Variants in NCOA2 observed in about 807,000 individuals in gnomAD.
The protein encoded by NCOA2 is class E basic helix-loop-helix protein 75.
In NCOA2, 21 loss-of-function variants were observed where a neutral mutation model predicts 145.1. The observed-to-expected ratio is 0.14, with a 90% confidence interval of 0.10 to 0.21. The LOEUF is 0.21. NCOA2 is among the 10% of genes least tolerant of loss of function. The pLI is 1.00. For synonymous variants in NCOA2, 619 were observed against 637.5 expected (o/e 0.97, Z 0.44); for missense variants, 1,472 against 1,837.6 (o/e 0.80, Z 3.64).
intron 2 of NCOA2, among the ~76,000 whole-genome samples, chr8:70,247,264 A>G (rs1215431426): frequency 6.6e-6 from 1 of 152,232 alleles, no homozygotes; most frequent in Non-Finnish European, 1.5e-5. Context: ...AAATTCAATT[A>G]GGAAATAAAG....
chr8:70,250,402 A>G (rs1461284834), intron 2 of NCOA2, among the ~76,000 whole-genome samples: 2 of 136,906 alleles, frequency 1.5e-5, no homozygotes, highest in South Asian at 4.3e-4. Flanking sequence ...CAAAAAAAAA[A>G]AAAAAAAAAA....
chr8:70,427,727 G>T, the NCOA2 span, among the ~76,000 whole-genome samples: 1 of 152,160 alleles, frequency 6.6e-6, no homozygotes, highest in African/African-American at 2.4e-5. Context: ...TATTTATGCT[G>T]AAAGTTGGCC....
intron 1 of NCOA2, among the ~76,000 whole-genome samples, chr8:70,346,242 T>C (rs982596671): frequency 1.3e-5 from 2 of 152,248 alleles, no homozygotes; most frequent in African/African-American, 4.8e-5. Context: ...AGTGCTCTTC[T>C]AGCCCTCGTC....
chr8:70,156,425 G>C lies in NCOA2; in HGVS notation c.1940C>G (p.Thr647Ser). Residue 647 changes from threonine to serine, a missense_variant, in exon 11 of 23, where the codon ACC (threonine) becomes AGC (serine). Coordinates refer to ENST00000452400, the MANE Select transcript of NCOA2 (RefSeq NM_006540.4). The part of the protein sequence containing the change: ...GQTKLLQLLT[T>S]KSDQMEPSPL... ...CGAGGGCTCCATCTGATCAGATTTG[G>C]TGGTCAGCAGCTGCAGGAGTTTGGT... The C allele has an allele frequency of 1.2e-6, 2 of 1,613,966 alleles. No individual in the cohort carries two copies. Among genetic ancestry groups the C allele is most frequent in the Non-Finnish European group, 1.7e-6 (2 of 1,179,880 alleles).
the NCOA2 span, among the ~76,000 whole-genome samples, chr8:70,451,777 A>T: frequency 2.0e-5 from 3 of 152,188 alleles, no homozygotes; most frequent in Non-Finnish European, 2.9e-5. Context: ...GTTTTGCTTG[A>T]AACTGTCTCA....
intron 6 of NCOA2, among the ~76,000 whole-genome samples, chr8:70,169,736 T>C (rs1814014401): frequency 6.6e-6 from 1 of 152,108 alleles, no homozygotes; most frequent in Non-Finnish European, 1.5e-5. Context: ...CATAAATATA[T>C]ACACCTACTA....
In NCOA2 at chr8:70,111,352, G is replaced by A. The variant is rs1405222369; in HGVS notation, c.*2280C>T. 1 of 224,560 alleles carries A rather than the reference G, an allele frequency of 4.5e-6. No individual in the cohort carries two copies. The highest frequency in any genetic ancestry group is 8.9e-6 in the Non-Finnish European group (1 of 112,628). 13.9% of individuals were successfully genotyped at this position (224,560 alleles called of 1,614,324 possible). A position where few individuals can be genotyped will look rare whatever the true frequency, so the allele number is the denominator to read the frequency against. ...AAACTCCATTTCTCTTTTGTGCTGT[G>A]TGAAGTTAAAAGTCATTCTAATTCA... On this transcript the variant is annotated 3_prime_UTR_variant, in exon 23 of 23. Transcript: ENST00000452400.
chr8:70,214,084 A>G lies in NCOA2; in HGVS notation c.87-9T>C, dbSNP rs780424126. ...CAGTGTTCCTTTTGGGGCTTAAAAGAAGAAACACATTTTTATGATGTATTT... is the reference window on the plus strand; with the variant it reads ...CAGTGTTCCTTTTGGGGCTTAAAAGGAGAAACACATTTTTATGATGTATTT... On this transcript the variant is annotated splice_polypyrimidine_tract_variant and intron_variant, in intron 3 of 22. Coordinates refer to ENST00000452400, the MANE Select transcript of NCOA2 (RefSeq NM_006540.4). 2.5e-6 allele frequency: 4 copies of G among 1,589,618 alleles called. No individual in the cohort carries two copies. Among genetic ancestry groups the G allele is most frequent in the Non-Finnish European group, 3.4e-6 (4 of 1,173,826 alleles).
chr8:70,305,839 C>G (rs1401702075), intron 1 of NCOA2, among the ~76,000 whole-genome samples: 1 of 152,046 alleles, frequency 6.6e-6, no homozygotes, highest in Non-Finnish European at 1.5e-5. Context: ...AAGCTAGCAC[C>G]AGACTAAGAG....
intron 1 of NCOA2, among the ~76,000 whole-genome samples, chr8:70,323,428 C>T (rs998531902): frequency 6.6e-6 from 1 of 151,770 alleles, no homozygotes; most frequent in Admixed American, 6.6e-5. Flanking sequence ...AGAAAGCACA[C>T]GAACACAGGA....
At chr8:70,244,205 C>T (rs1293495799) in intron 2 of NCOA2, among the ~76,000 whole-genome samples, 2 of 152,036 alleles carry the variant, frequency 1.3e-5, no homozygotes, top group Non-Finnish European at 2.9e-5. Flanking sequence ...CACTTCAGCC[C>T]ATCTGCTCTA....
At chr8:70,265,838 G>GTTGTTGT (rs1563698994) in intron 2 of NCOA2, among the ~76,000 whole-genome samples, 114 of 148,204 alleles carry the variant, frequency 7.7e-4, no homozygotes, top group African/African-American at 2.8e-3. Flanking sequence ...TTGTTGTTTT[G>GTTGTTGT]TTTGTTTTTT....
At chr8:70,266,466 C>G (rs1304688618) in intron 2 of NCOA2, among the ~76,000 whole-genome samples, 1 of 152,170 alleles carries the variant, frequency 6.6e-6, no homozygotes, top group Non-Finnish European at 1.5e-5. Flanking sequence ...GTCTTTAAGC[C>G]TGGCTCAAAG....
Position 70,162,733 on chromosome 8 carries a change from A to G in NCOA2, c.954T>C (p.Tyr318=). ...HAQHEGESVS[Y]AKRHHHEVLR... Reference sequence around the variant, plus strand: ...TACCTTCATGATGATGCCTCTTAGCATAGGACACAGATTCTCCTTCATGCT... The same window carrying G: ...TACCTTCATGATGATGCCTCTTAGCGTAGGACACAGATTCTCCTTCATGCT... Residue 318 remains tyrosine, a synonymous_variant, in exon 9 of 23, where the codon TAT becomes TAC. Transcript: ENST00000452400. The G allele has an allele frequency of 1.9e-6, 3 of 1,613,518 alleles. No homozygotes were observed. Among genetic ancestry groups the G allele is most frequent in the Non-Finnish European group, 2.5e-6 (3 of 1,179,746 alleles).
chr8:70,171,456 C>T (rs1814245844), intron 5 of NCOA2, among the ~76,000 whole-genome samples: 1 of 152,194 alleles, frequency 6.6e-6, no homozygotes, highest in African/African-American at 2.4e-5. Context: ...TAATCCACTT[C>T]CCATCATGTT....
chr8:70,141,437 C>A, intron 13 of NCOA2, 38 bp from the exon 14 acceptor site: 1 of 1,556,626 alleles, frequency 6.4e-7, no homozygotes. Flanking sequence ...GATGCAGTAA[C>A]TGAAAACATA....
intron 2 of NCOA2, among the ~76,000 whole-genome samples, chr8:70,293,567 C>G (rs1366991809): frequency 6.6e-6 from 1 of 152,184 alleles, no homozygotes; most frequent in Non-Finnish European, 1.5e-5. Flanking sequence ...CATGTGTGAA[C>G]AATTCACCAA....
intron 13 of NCOA2, 120 bp from the exon 14 acceptor site, chr8:70,141,519 G>T: frequency 1.1e-6 from 1 of 931,324 alleles, no homozygotes; most frequent in Non-Finnish European, 1.7e-6. Context: ...TTAGCCAATA[G>T]CTAATGTTCT....
intron 20 of NCOA2, 89 bp downstream of exon 20, chr8:70,124,599 A>G: frequency 7.7e-7 from 1 of 1,306,610 alleles, no homozygotes; most frequent in Non-Finnish European, 1.0e-6. Flanking sequence ...AAAAACAAAC[A>G]GAAAGCTCCT....
Sources: allele counts gnomAD v4.1 joint callset (sites outside exome capture counted in the v4.1 genomes callset), GRCh38; gene constraint gnomAD v4.1.1; transcripts MANE v1.5; gene names NCBI Gene and HGNC (gene_info 2026-07-23, HGNC 2026-07-21).